Variants in CDIN1 observed in about 807,000 individuals in gnomAD.
CDIN1 encodes CDAN1-interacting nuclease 1.
Under a neutral mutation model 45.3 loss-of-function variants are expected in CDIN1, and 33 were observed. That is an observed-to-expected ratio of 0.73 (90% CI 0.55 to 0.97). The LOEUF (loss-of-function observed/expected upper bound fraction) is 0.97, where lower values mean the gene tolerates loss of function less well. CDIN1 is among the 50% of genes least tolerant of loss of function. CDIN1 has a pLI of 0.00. For missense variants in CDIN1, 303 were observed against 339.4 expected (o/e 0.89, Z 0.84); for synonymous variants, 118 against 124.4 (o/e 0.95, Z 0.34).
chr15:36,733,006 A>G (rs2043887117), intron 10 of CDIN1, among the ~76,000 whole-genome samples: 1 of 152,072 alleles, frequency 6.6e-6, no homozygotes, highest in South Asian at 2.1e-4. Flanking sequence ...TATGACAGAA[A>G]CTTATTAGCA....
chr15:36,730,492 G>T (rs1469269642), intron 10 of CDIN1, among the ~76,000 whole-genome samples: 1 of 152,008 alleles, frequency 6.6e-6, no homozygotes, highest in Non-Finnish European at 1.5e-5. Context: ...TTAAAAGTAG[G>T]CAGAGTAAGA....
At chr15:36,666,291 C>T (rs1050484083) in intron 5 of CDIN1, among the ~76,000 whole-genome samples, 1 of 152,034 alleles carries the variant, frequency 6.6e-6, no homozygotes, top group Non-Finnish European at 1.5e-5. Context: ...CTCCTCTACC[C>T]CCACTGATGA....
At chr15:36,779,106 A>T (rs1298328469) in intron 10 of CDIN1, among the ~76,000 whole-genome samples, 2 of 152,226 alleles carry the variant, frequency 1.3e-5, no homozygotes, top group Admixed American at 6.5e-5. Context: ...AAAGTTTTGT[A>T]TTTAAATTAG....
intron 10 of CDIN1, among the ~76,000 whole-genome samples, chr15:36,750,274 T>G (rs1424434688): frequency 7.2e-5 from 11 of 152,162 alleles, no homozygotes; most frequent in African/African-American, 2.4e-5. Flanking sequence ...AACAGTGCAA[T>G]TTTACTCTAT....
intron 10 of CDIN1, among the ~76,000 whole-genome samples, chr15:36,779,707 C>T (rs2141049741): frequency 6.6e-6 from 1 of 152,316 alleles, no homozygotes; most frequent in East Asian, 1.9e-4. Flanking sequence ...TTAGCACCTG[C>T]ACTTATTAGC....
intron 1 of CDIN1, chr15:36,614,169 G>T (rs2038779027): frequency 7.2e-6 from 5 of 691,704 alleles, no homozygotes; most frequent in South Asian, 4.1e-5. Flanking sequence ...GAGGTTGCTG[G>T]ACCAGACTCT....
At chr15:36,625,168 C>A (rs889095312) in intron 1 of CDIN1, among the ~76,000 whole-genome samples, 1 of 151,754 alleles carries the variant, frequency 6.6e-6, no homozygotes. Context: ...GTAGTCCCAG[C>A]TACTTGGGAG....
At chr15:36,661,104 T>A (rs1595437296) in intron 5 of CDIN1, among the ~76,000 whole-genome samples, 1 of 152,034 alleles carries the variant, frequency 6.6e-6, no homozygotes, top group African/African-American at 2.4e-5. Flanking sequence ...TAGCAAAGGG[T>A]GTGAAGTGGA....
At chr15:36,736,204 G>C (rs929808735) in intron 10 of CDIN1, among the ~76,000 whole-genome samples, 1 of 152,078 alleles carries the variant, frequency 6.6e-6, no homozygotes, top group Non-Finnish European at 1.5e-5. Context: ...TTCTCTCTCT[G>C]TTTTTGCTTA....
At chr15:36,611,830 G>A (rs2038665919) in intron 1 of CDIN1, among the ~76,000 whole-genome samples, 2 of 152,026 alleles carry the variant, frequency 1.3e-5, no homozygotes, top group African/African-American at 2.4e-5. Flanking sequence ...ATTCACCAAT[G>A]GTGTTTGTGA....
At chr15:36,752,166 A>G (rs146282858) in intron 10 of CDIN1, among the ~76,000 whole-genome samples, 63 of 152,340 alleles carry the variant, frequency 4.1e-4, no homozygotes, top group African/African-American at 1.3e-3. Flanking sequence ...AAAGTTGATG[A>G]ATAAAAATGA....
At chr15:36,645,109 T>C in intron 2 of CDIN1, 114 bp from the exon 3 acceptor site, 1 of 771,544 alleles carries the variant, frequency 1.3e-6, no homozygotes, top group Non-Finnish European at 2.2e-6. Context: ...CAAGCTGTTA[T>C]TCAGTGTTCC....
At chr15:36,589,161 C>T (rs1046200590) in intron 1 of CDIN1, among the ~76,000 whole-genome samples, 1 of 151,824 alleles carries the variant, frequency 6.6e-6, no homozygotes, top group Non-Finnish European at 1.5e-5. Context: ...CTGAATTTGC[C>T]ATTGTTTTTA....
chr15:36,692,016 T>TTTTTTTTTGG, intron 6 of CDIN1, 110 bp from the exon 7 acceptor site: 1 of 521,030 alleles, frequency 1.9e-6, no homozygotes. Context: ...TTTCTTTTTT[T>TTTTTTTTTGG]GGGGGGCGGG....
At chr15:36,756,899 C>T (rs2053624399) in intron 10 of CDIN1, among the ~76,000 whole-genome samples, 1 of 152,142 alleles carries the variant, frequency 6.6e-6, no homozygotes, top group African/African-American at 2.4e-5. Context: ...GCCTTCACAA[C>T]AAGAAGCCAG....
chr15:36,615,238 G>A (rs1211315191), intron 1 of CDIN1, among the ~76,000 whole-genome samples: 2 of 152,206 alleles, frequency 1.3e-5, no homozygotes, highest in Non-Finnish European at 2.9e-5. Flanking sequence ...TCTGCAGTCC[G>A]TGGGCTGGCA....
intron 1 of CDIN1, among the ~76,000 whole-genome samples, chr15:36,628,671 C>A (rs1322759523): frequency 6.6e-6 from 1 of 151,964 alleles, no homozygotes; most frequent in African/African-American, 2.4e-5. Flanking sequence ...TGGGATGGGG[C>A]AAATGTATCT....
intron 10 of CDIN1, among the ~76,000 whole-genome samples, chr15:36,805,784 T>G (rs2055207367): frequency 6.6e-6 from 1 of 152,160 alleles, no homozygotes; most frequent in Admixed American, 6.5e-5. Flanking sequence ...TGAAGAAGGC[T>G]CAGAAATGCA....
At chr15:36,797,921 A>C (rs1182330979) in intron 10 of CDIN1, among the ~76,000 whole-genome samples, 1 of 150,654 alleles carries the variant, frequency 6.6e-6, no homozygotes, top group African/African-American at 2.4e-5. Flanking sequence ...CGGAGGTTGC[A>C]GTGAGCCAAG....
Sources: allele counts gnomAD v4.1 joint callset (sites outside exome capture counted in the v4.1 genomes callset), GRCh38; gene constraint gnomAD v4.1.1; transcripts MANE v1.5; gene names NCBI Gene and HGNC (gene_info 2026-07-23, HGNC 2026-07-21).